The following HMCN1 variants were observed in gnomAD, a reference collection of about 807,000 sequenced individuals.
HMCN1 encodes hemicentin-1.
Under a neutral mutation model 625.9 loss-of-function variants are expected in HMCN1, and 321 were observed. The observed-to-expected ratio is 0.51, with a 90% CI of 0.47 to 0.56. The LOEUF (loss-of-function observed/expected upper bound fraction) is 0.56. Among genes scored for constraint, HMCN1 ranks in the 20% least tolerant of loss-of-function variants. The pLI, the probability that HMCN1 is intolerant of heterozygous loss-of-function variation, is 0.00. For missense variants in HMCN1, 6,588 were observed against 6,887.3 expected, an observed-to-expected ratio of 0.96 and a Z score of 1.54; for synonymous variants, 2,425 against 2,417.6, an observed-to-expected ratio of 1.00 and a Z score of -0.09.
chr1:186,114,116 C>T lies in HMCN1; in HGVS notation c.11269C>T (p.His3757Tyr). The change falls in exon 73 of 107, where the codon CAT (histidine) becomes TAT (tyrosine). Residue 3757 changes from histidine (H) to tyrosine (Y), a missense_variant. His to Tyr is a moderately conservative substitution (Grantham distance 83). This residue lies in a region of HMCN1 where 4,628 missense variants were observed against 4,853.1 expected (regional missense o/e 0.95). Transcript: ENST00000271588. ...RKDGAVLAGN[H>Y]ARYSILENGF... Reference sequence around the variant, plus strand: ...GGATGGAGCTGTTCTAGCTGGGAATCATGCAAGGTAACCATACTGGAAAAT... The same window carrying T: ...GGATGGAGCTGTTCTAGCTGGGAATTATGCAAGGTAACCATACTGGAAAAT... 6.2e-7 allele frequency: 1 copy of T among 1,614,038 alleles called. No homozygotes were observed. Among genetic ancestry groups the T allele is most frequent in the South Asian group, 1.1e-5 (1 of 91,066 alleles).
At chr1:185,754,085 C>T (rs1310943726) in intron 1 of HMCN1, among the ~76,000 whole-genome samples, 1 of 152,058 alleles carries the variant, frequency 6.6e-6, no homozygotes, top group East Asian at 1.9e-4. Context: ...ACTATTTGGC[C>T]TTAAAAAGAA....
intron 40 of HMCN1, among the ~76,000 whole-genome samples, chr1:186,043,119 C>T (rs1232234186): frequency 3.3e-5 from 5 of 152,114 alleles, no homozygotes; most frequent in Non-Finnish European, 7.4e-5. Context: ...CATTCTTCAG[C>T]TTCCCAGCAA....
chr1:186,067,158 G>A (rs1658172271), intron 49 of HMCN1, among the ~76,000 whole-genome samples: 1 of 152,160 alleles, frequency 6.6e-6, no homozygotes, highest in Non-Finnish European at 1.5e-5. Context: ...TTTGACTTCA[G>A]TTTCCTTTAG....
chr1:185,982,065 GTCCTTT>G (rs1651678869), intron 17 of HMCN1, among the ~76,000 whole-genome samples, 191 bp from the exon 18 acceptor site: 1 of 152,016 alleles, frequency 6.6e-6, no homozygotes, highest in Middle Eastern at 3.2e-3. Flanking sequence ...TGTATTACCT[GTCCTTT>G]TGCATTCCCC....
chr1:186,129,151 ATG>A (rs1392951828), intron 83 of HMCN1, among the ~76,000 whole-genome samples: 1 of 151,802 alleles, frequency 6.6e-6, no homozygotes, highest in African/African-American at 2.4e-5. Flanking sequence ...AGTAATGTAA[ATG>A]TACTTTTAAA....
At chr1:185,830,436 G>A (rs1306229304) in intron 1 of HMCN1, among the ~76,000 whole-genome samples, 1 of 152,108 alleles carries the variant, frequency 6.6e-6, no homozygotes, top group African/African-American at 2.4e-5. Flanking sequence ...TAAGGTGTAA[G>A]GAAGGGGTTC....
At chr1:185,838,598 A>G (rs572951885) in intron 1 of HMCN1, among the ~76,000 whole-genome samples, 1 of 152,298 alleles carries the variant, frequency 6.6e-6, no homozygotes, top group East Asian at 1.9e-4. Flanking sequence ...GGGAACATGC[A>G]TGAGCCAAGG....
At chr1:185,984,419 CTTAA>C (rs997129679) in intron 19 of HMCN1, 106 bp downstream of exon 19, 44 of 1,080,274 alleles carry the variant, frequency 4.1e-5, no homozygotes, top group Admixed American at 6.8e-5. Flanking sequence ...AGATATCTCT[CTTAA>C]TTGTTATTTC....
Position 186,174,612 on chromosome 1 carries a change from C to T in HMCN1, c.15913C>T (p.Arg5305Trp), listed in dbSNP as rs780198859. 1.2e-5 allele frequency: 19 copies of T among 1,613,932 alleles called. No individual in the cohort carries two copies. Among genetic ancestry groups the T allele is most frequent in the Admixed American group, 1.7e-5 (1 of 60,012 alleles). The change falls in exon 103 of 107, where the codon CGG (arginine) becomes TGG (tryptophan). Residue 5305 changes from arginine to tryptophan, a missense_variant. Around this residue, in one of 3 missense-constraint regions of HMCN1, gnomAD observed 1,954 missense variants for 2,013.1 expected, o/e 0.97. Transcript: ENST00000271588. Reference sequence around the variant, plus strand: ...TCGTTGTGTATGCCCAAGAGGTTATCGGTCTCAAGGAGTTGGAAGACCCTG... The same window carrying T: ...TCGTTGTGTATGCCCAAGAGGTTATTGGTCTCAAGGAGTTGGAAGACCCTG... ...SYRCVCPRGY[R>W]SQGVGRPCMD...
At chr1:185,892,873 C>T (rs59818099) in intron 4 of HMCN1, among the ~76,000 whole-genome samples, 7,182 of 152,190 alleles carry the variant, frequency 0.047, 344 homozygotes, top group African/African-American at 0.13. Flanking sequence ...TGTTTACCTA[C>T]GGAAGCCTGG....
At chr1:185,959,507 A>G (rs1298057026) in intron 11 of HMCN1, among the ~76,000 whole-genome samples, 1 of 152,204 alleles carries the variant, frequency 6.6e-6, no homozygotes, top group African/African-American at 2.4e-5. Context: ...AATTACAAAA[A>G]CATGTATTTC....
chr1:186,052,805 G>A, intron 42 of HMCN1, 147 bp from the exon 43 acceptor site: 2 of 697,416 alleles, frequency 2.9e-6, no homozygotes, highest in Non-Finnish European at 5.1e-6. Context: ...CATCTTACAG[G>A]TGACTTTTAA....
intron 4 of HMCN1, among the ~76,000 whole-genome samples, chr1:185,905,750 C>T (rs534446513): frequency 4.6e-5 from 7 of 151,836 alleles, no homozygotes; most frequent in African/African-American, 1.4e-4. Flanking sequence ...GCATGGGCTG[C>T]AAAATCTTTA....
At chr1:185,927,562 G>C (rs1259549677) in intron 9 of HMCN1, among the ~76,000 whole-genome samples, 1 of 152,108 alleles carries the variant, frequency 6.6e-6, no homozygotes, top group Non-Finnish European at 1.5e-5. Flanking sequence ...TACCAAATAC[G>C]AGTTAAGAGC....
At chr1:185,779,405 A>C (rs1289146437) in intron 1 of HMCN1, among the ~76,000 whole-genome samples, 4 of 152,186 alleles carry the variant, frequency 2.6e-5, no homozygotes, top group Non-Finnish European at 5.9e-5. Context: ...GGGGTTTTAG[A>C]CATGAAGTCC....
intron 46 of HMCN1, among the ~76,000 whole-genome samples, chr1:186,060,346 G>A (rs1482497172): frequency 1.3e-5 from 2 of 151,970 alleles, no homozygotes; most frequent in Non-Finnish European, 1.5e-5. Flanking sequence ...AAATATACCA[G>A]CTAGAAAATT....
At chr1:186,061,538 A>G (rs937043269) in intron 46 of HMCN1, among the ~76,000 whole-genome samples, 1 of 152,148 alleles carries the variant, frequency 6.6e-6, no homozygotes, top group Non-Finnish European at 1.5e-5. Flanking sequence ...AGCATCTCTC[A>G]ACTCGTGTTA....
chr1:185,996,803 G>T lies in HMCN1; in HGVS notation c.3779-626G>T, dbSNP rs531585495. ...TTCTTCATGAAATGAATGGATGATG[G>T]AGCTGTTCAGAGACATGGGATGCAC... On this transcript the variant is annotated intron_variant, in intron 24 of 106. Transcript: ENST00000271588. Among the ~76,000 whole-genome samples, 54 of 152,242 alleles carry T rather than the reference G, an allele frequency of 3.5e-4. No individual in the cohort carries two copies. In the South Asian group the frequency reaches 5.4e-3, roughly 15 times the overall value.
chr1:185,963,301 G>A (rs74134233), intron 12 of HMCN1, among the ~76,000 whole-genome samples: 1 of 152,136 alleles, frequency 6.6e-6, no homozygotes, highest in African/African-American at 2.4e-5. Flanking sequence ...ATTCCTAAAC[G>A]CCTTACAGAC....
Sources: allele counts gnomAD v4.1 joint callset (sites outside exome capture counted in the v4.1 genomes callset), GRCh38; gene constraint gnomAD v4.1.1; regional missense constraint gnomAD v4.1.1; transcripts MANE v1.5; gene names NCBI Gene and HGNC (gene_info 2026-07-23, HGNC 2026-07-21).